DCLK2: variants seen among roughly 807,000 people sequenced by gnomAD.
The protein encoded by DCLK2 is serine/threonine-protein kinase DCLK2.
A neutral mutation model predicts 78.4 loss-of-function variants in DCLK2; 31 were observed. The observed-to-expected ratio is 0.40, with a 90% CI of 0.30 to 0.53. DCLK2 has a LOEUF of 0.53. Ranked by LOEUF, DCLK2 falls within the 20% of genes least tolerant of loss-of-function variation. DCLK2 has a pLI of 0.61. For missense variants in DCLK2, 872 were observed against 973.7 expected (o/e 0.90, Z 1.39); for synonymous variants, 407 against 374.9 (o/e 1.09, Z -0.99).
In DCLK2 at chr4:150,249,775, T is replaced by C. The variant is rs1743616465; in HGVS notation, c.2073+91T>C. 1.9e-6 allele frequency: 2 copies of C among 1,027,872 alleles called. 1 individual carries two copies. Among genetic ancestry groups the C allele is most frequent in the Middle Eastern group, 5.5e-4 (2 of 3,632 alleles). 63.7% of individuals were successfully genotyped at this position (1,027,872 alleles called of 1,614,324 possible). A position where few individuals can be genotyped will look rare whatever the true frequency, so the allele number is the denominator to read the frequency against. On this transcript the variant is annotated intron_variant, in intron 15 of 15. Coordinates refer to ENST00000296550, the MANE Select transcript of DCLK2 (RefSeq NM_001040260.4). ...CCGGGAGCTGCCCTCACATGGAAGT[T>C]GGTGCCTTCCGTAGTCCTATTTCAT...
chr4:150,078,655 C>T lies in DCLK2; in HGVS notation c.-373C>T, dbSNP rs1580454681. On this transcript the variant is annotated 5_prime_UTR_variant, in exon 1 of 16. Coordinates refer to ENST00000296550, the MANE Select transcript of DCLK2 (RefSeq NM_001040260.4). Reference sequence around the variant, plus strand: ...CAGACGCCCGAGCTTTGTGGGCGCCCGCGGGCCCAGCGCGAGCCTCGGGCG... The same window carrying T: ...CAGACGCCCGAGCTTTGTGGGCGCCTGCGGGCCCAGCGCGAGCCTCGGGCG... 1 of 159,264 alleles carries T rather than the reference C, an allele frequency of 6.3e-6. No homozygotes were observed. The highest frequency in any genetic ancestry group is 1.8e-4 in the East Asian group (1 of 5,524). 9.9% of individuals were successfully genotyped at this position (159,264 alleles called of 1,614,324 possible).
At chr4:150,110,904 GT>G (rs1404884151) in intron 2 of DCLK2, among the ~76,000 whole-genome samples, 9 of 152,116 alleles carry the variant, frequency 5.9e-5, no homozygotes, top group African/African-American at 1.9e-4. Context: ...ACTTAGATTG[GT>G]TCCATGTCTT....
At chr4:150,114,187 T>C (rs1731904599) in intron 2 of DCLK2, among the ~76,000 whole-genome samples, 1 of 152,190 alleles carries the variant, frequency 6.6e-6, no homozygotes. Context: ...TGGAGAATGT[T>C]CCATGTACTT....
Position 150,102,464 on chromosome 4 carries a change from A to T in DCLK2, c.422-14A>T, listed in dbSNP as rs1730952876. Reference sequence around the variant, plus strand: ...GAGATAATCATGCTAATAAAATCAAATTTTGCTTTTTAGGTGAGAGTTACG... The same window carrying T: ...GAGATAATCATGCTAATAAAATCAATTTTTGCTTTTTAGGTGAGAGTTACG... On this transcript the variant is annotated splice_polypyrimidine_tract_variant and intron_variant, in intron 1 of 15. Coordinates refer to ENST00000296550, the MANE Select transcript of DCLK2 (RefSeq NM_001040260.4). 1 of 1,604,516 alleles carries T rather than the reference A, an allele frequency of 6.2e-7. No homozygotes were observed. Among genetic ancestry groups the T allele is most frequent in the South Asian group, 1.1e-5 (1 of 90,062 alleles).
intron 5 of DCLK2, among the ~76,000 whole-genome samples, chr4:150,213,955 G>T (rs933551218): frequency 6.6e-6 from 1 of 152,152 alleles, no homozygotes; most frequent in Non-Finnish European, 1.5e-5. Flanking sequence ...GTGGTGATGG[G>T]CAAGTTATAT....
intron 1 of DCLK2, among the ~76,000 whole-genome samples, chr4:150,083,640 G>A (rs574689009): frequency 6.6e-6 from 1 of 152,324 alleles, no homozygotes; most frequent in African/African-American, 2.4e-5. Flanking sequence ...AATAGAAACT[G>A]TGGAACTTAT....
intron 13 of DCLK2, 95 bp downstream of exon 13, chr4:150,247,794 A>C: frequency 1.0e-6 from 1 of 964,968 alleles, no homozygotes; most frequent in Non-Finnish European, 1.6e-6. Context: ...GCATTCCAGA[A>C]AGCTCCTTGG....
At chr4:150,129,948 T>C (rs990319718) in intron 2 of DCLK2, among the ~76,000 whole-genome samples, 4 of 152,090 alleles carry the variant, frequency 2.6e-5, no homozygotes, top group African/African-American at 9.7e-5. Context: ...CTAATATATT[T>C]AGGCGAATTT....
intron 5 of DCLK2, among the ~76,000 whole-genome samples, chr4:150,210,388 C>A (rs1740201957): frequency 6.6e-6 from 1 of 152,154 alleles, no homozygotes; most frequent in Admixed American, 6.5e-5. Context: ...AAGTCAGACT[C>A]CAGATTTTAT....
chr4:150,135,211 G>A (rs527641297), intron 2 of DCLK2, among the ~76,000 whole-genome samples: 124 of 136,650 alleles, frequency 9.1e-4, no homozygotes, highest in Non-Finnish European at 1.5e-3. Context: ...CTCAGTTTCA[G>A]GTTGTATTTG....
rs1739259489 is a variant in DCLK2 at position 150,198,914 on chromosome 4, C to CCT, written c.961+812_961+813insTC. Reference sequence around the variant, plus strand: ...TTCGCCCTTTCCCCTTTCAGCACCCCCCCCCCCACTTTCTGTAGGGCAGGT... The same window carrying CCT: ...TTCGCCCTTTCCCCTTTCAGCACCCCCTCCCCCCCACTTTCTGTAGGGCAGGT... On this transcript the variant is annotated intron_variant, in intron 4 of 15. Transcript: ENST00000296550. 5 of 573,060 alleles carry CCT rather than the reference C, an allele frequency of 8.7e-6. 2 individuals are homozygous for CCT. The highest frequency in any genetic ancestry group is 1.5e-5 in the Non-Finnish European group (5 of 332,598). 35.5% of individuals were successfully genotyped at this position (573,060 alleles called of 1,614,324 possible).
At chr4:150,111,164 A>G (rs1333597742) in intron 2 of DCLK2, among the ~76,000 whole-genome samples, 3 of 152,078 alleles carry the variant, frequency 2.0e-5, no homozygotes, top group Non-Finnish European at 4.4e-5. Flanking sequence ...TGACTTTTTA[A>G]TAATGGCCAT....
intron 2 of DCLK2, among the ~76,000 whole-genome samples, chr4:150,142,305 G>A (rs546640397): frequency 3.9e-5 from 6 of 152,208 alleles, no homozygotes; most frequent in African/African-American, 1.4e-4. Flanking sequence ...CTGAATTACT[G>A]AACAGGGATA....
At chr4:150,121,383 G>A (rs1010069669) in intron 2 of DCLK2, among the ~76,000 whole-genome samples, 1 of 152,196 alleles carries the variant, frequency 6.6e-6, no homozygotes, top group Non-Finnish European at 1.5e-5. Flanking sequence ...TATTCCAGGA[G>A]TAGATTCCAC....
At chr4:150,085,263 G>A (rs918175402) in intron 1 of DCLK2, among the ~76,000 whole-genome samples, 11 of 152,062 alleles carry the variant, frequency 7.2e-5, no homozygotes, top group Non-Finnish European at 1.5e-4. Flanking sequence ...AGGTGTCTTG[G>A]TTCATTTTCT....
At chr4:150,118,901 G>T (rs939024750) in intron 2 of DCLK2, among the ~76,000 whole-genome samples, 5 of 152,092 alleles carry the variant, frequency 3.3e-5, no homozygotes, top group Non-Finnish European at 2.9e-5. Flanking sequence ...GTGGACACCT[G>T]TAATTCTCAG....
At chr4:150,144,828 C>T (rs1422269195) in intron 2 of DCLK2, among the ~76,000 whole-genome samples, 1 of 152,212 alleles carries the variant, frequency 6.6e-6, no homozygotes, top group Non-Finnish European at 1.5e-5. Flanking sequence ...GCTCAAGATC[C>T]TCCTGCCTTG....
chr4:150,240,759 AAAAG>A (rs1205519536), intron 12 of DCLK2, among the ~76,000 whole-genome samples: 11 of 82,964 alleles, frequency 1.3e-4, no homozygotes, highest in African/African-American at 3.1e-4. Context: ...TAAAAAAAAA[AAAAG>A]AAAAAGAAAA....
intron 2 of DCLK2, among the ~76,000 whole-genome samples, chr4:150,175,011 A>AAAAATATATATATATATATATATAT (rs1454035697): frequency 1.0e-4 from 1 of 9,974 alleles, no homozygotes; most frequent in Non-Finnish European, 2.4e-4. Context: ...AAAAAAAAAA[A>AAAAATATATATATATATATATATAT]ATATATATAT....
Sources: allele counts gnomAD v4.1 joint callset (sites outside exome capture counted in the v4.1 genomes callset), GRCh38; gene constraint gnomAD v4.1.1; transcripts MANE v1.5; gene names NCBI Gene and HGNC (gene_info 2026-07-23, HGNC 2026-07-21).